Variants in PRKD1 observed in about 807,000 individuals in gnomAD.
PRKD1 encodes serine/threonine-protein kinase D1.
In PRKD1, 63 loss-of-function variants were observed where a neutral mutation model predicts 95.9. The observed-to-expected ratio is 0.66, with a 90% CI of 0.54 to 0.81. PRKD1 has a LOEUF of 0.81. Ranked by LOEUF, PRKD1 falls within the 30% of genes least tolerant of loss-of-function variation. The pLI is 0.00. For missense variants in PRKD1, 1,048 were observed against 1,165.3 expected (o/e 0.90, Z 1.47); for synonymous variants, 425 against 423.1 (o/e 1.00, Z -0.05).
At chr14:29,911,532 A>G (rs1894713562) in intron 1 of PRKD1, among the ~76,000 whole-genome samples, 2 of 152,338 alleles carry the variant, frequency 1.3e-5, no homozygotes, top group Middle Eastern at 3.4e-3. Context: ...TCAAATAAAA[A>G]GAGCAAATAA....
Position 29,901,931 on chromosome 14 carries a change from ACCT to A in PRKD1, c.264+25315_264+25317del, listed in dbSNP as rs1894333638. On this transcript the variant is annotated intron_variant, in intron 1 of 17. Transcript: ENST00000331968. The stretch of plus-strand genomic sequence containing the variant: ...GGATTCCAAAGCTCTTTGACTTTGT[ACCT>A]CCAAAGCTTAGAACAGAGTTTGACA... 3.3e-5 allele frequency among the ~76,000 whole-genome samples: 5 copies of A among 152,190 alleles called. No homozygotes were observed. In the South Asian group the frequency reaches 1.0e-3, roughly 32 times the overall value.
intron 1 of PRKD1, among the ~76,000 whole-genome samples, chr14:29,743,378 A>G (rs1887067515): frequency 1.3e-5 from 2 of 152,180 alleles, no homozygotes; most frequent in Non-Finnish European, 2.9e-5. Flanking sequence ...ATAAAAATTA[A>G]AACTGAAACA....
chr14:29,925,686 T>C (rs1190831909), intron 1 of PRKD1, among the ~76,000 whole-genome samples: 1 of 152,200 alleles, frequency 6.6e-6, no homozygotes, highest in Non-Finnish European at 1.5e-5. Context: ...CAAAACAAAG[T>C]CTATCAATAT....
At chr14:29,770,120 C>T (rs1342838788) in intron 1 of PRKD1, among the ~76,000 whole-genome samples, 2 of 152,204 alleles carry the variant, frequency 1.3e-5, no homozygotes, top group African/African-American at 2.4e-5. Flanking sequence ...TCACCACACA[C>T]TGAATCTGTC....
intron 14 of PRKD1, 70 bp from the exon 15 acceptor site, chr14:29,599,195 G>T: frequency 2.2e-6 from 3 of 1,358,194 alleles, no homozygotes; most frequent in Non-Finnish European, 2.1e-6. Context: ...CAGTTAAAAG[G>T]CCAAGAAAAA....
intron 2 of PRKD1, among the ~76,000 whole-genome samples, chr14:29,685,804 T>G (rs572854229): frequency 6.6e-6 from 1 of 152,202 alleles, no homozygotes; most frequent in South Asian, 2.1e-4. Context: ...TAACTCAAGT[T>G]CAGATGTTTA....
At position 29,809,862 on chromosome 14, in the gene PRKD1, T is replaced by C. The variant is rs186238882; in HGVS notation, c.265-84188A>G. Reference sequence around the variant, plus strand: ...TTTTCCTTGGCACTCACAATTTGGCTAAGTGTTTGGCACAAGAGGCCACAC... The same window carrying C: ...TTTTCCTTGGCACTCACAATTTGGCCAAGTGTTTGGCACAAGAGGCCACAC... On this transcript the variant is annotated intron_variant, in intron 1 of 17. Transcript: ENST00000331968. Among the ~76,000 whole-genome samples the C allele has an allele frequency of 6.7e-4, 102 of 152,356 alleles. 1 individual carries two copies. The highest frequency in any genetic ancestry group is 6.8e-3 in the Middle Eastern group (2 of 294).
At chr14:29,659,704 T>C (rs1377074380) in intron 4 of PRKD1, among the ~76,000 whole-genome samples, 1 of 152,210 alleles carries the variant, frequency 6.6e-6, no homozygotes, top group Non-Finnish European at 1.5e-5. Flanking sequence ...AACTTTACAG[T>C]CCTTGATAAC....
chr14:29,782,167 A>T (rs1319211911), intron 1 of PRKD1, among the ~76,000 whole-genome samples: 2 of 152,224 alleles, frequency 1.3e-5, no homozygotes, highest in Non-Finnish European at 2.9e-5. Flanking sequence ...AGGAAAAGAG[A>T]CATTATCAGT....
chr14:29,644,244 A>G (rs920941092), intron 4 of PRKD1, among the ~76,000 whole-genome samples: 2 of 152,230 alleles, frequency 1.3e-5, no homozygotes, highest in African/African-American at 4.8e-5. Context: ...CACCTGGTTA[A>G]GGAATATTTT....
At chr14:29,721,060 G>A (rs898039028) in intron 2 of PRKD1, among the ~76,000 whole-genome samples, 7 of 152,078 alleles carry the variant, frequency 4.6e-5, no homozygotes, top group Non-Finnish European at 7.4e-5. Flanking sequence ...ACATCAAAAT[G>A]GTTATTATGT....
intron 1 of PRKD1, among the ~76,000 whole-genome samples, chr14:29,729,393 G>T (rs1489241277): frequency 6.6e-6 from 1 of 151,918 alleles, no homozygotes. Context: ...AGTGACTTTT[G>T]GCAGTTTGTT....
In PRKD1 at chr14:29,885,784, T is replaced by G. The variant is rs1235537672; in HGVS notation, c.264+41465A>C. On this transcript the variant is annotated intron_variant, in intron 1 of 17. Transcript: ENST00000331968. ...GAGTTTGAGACTAGCCTGGCCAACA[T>G]GGTGAAACCCCATCTTTACTAAAAA... Among the ~76,000 whole-genome samples, 6 of 117,494 alleles carry G rather than the reference T, an allele frequency of 5.1e-5. No homozygotes were observed. In the Admixed American group the frequency reaches 5.4e-4, roughly 11 times the overall value. 77.1% of individuals were successfully genotyped at this position (117,494 alleles called of 152,430 possible).
At position 29,649,218 on chromosome 14, in the gene PRKD1, A is replaced by G. The variant is rs545237825; in HGVS notation, c.697-10314T>C. On this transcript the variant is annotated intron_variant, in intron 4 of 17. Coordinates refer to ENST00000331968, the MANE Select transcript of PRKD1 (RefSeq NM_002742.3). ...TTCTTGCAGTTTTGATTGTTTTTTC[A>G]CAGGTGATACTGGAGGCGTGTATTT... 1.3e-4 allele frequency among the ~76,000 whole-genome samples: 20 copies of G among 151,920 alleles called. No homozygotes were observed. In the South Asian group the frequency reaches 2.7e-3, roughly 20 times the overall value.
intron 2 of PRKD1, among the ~76,000 whole-genome samples, chr14:29,684,774 C>T (rs45497391): frequency 9.2e-4 from 140 of 152,280 alleles, no homozygotes; most frequent in Non-Finnish European, 1.2e-3. Flanking sequence ...CAGGCTGTTC[C>T]TCAGTAAAAG....
At chr14:29,866,692 T>A (rs749950379) in intron 1 of PRKD1, among the ~76,000 whole-genome samples, 2 of 152,014 alleles carry the variant, frequency 1.3e-5, no homozygotes, top group Admixed American at 6.6e-5. Flanking sequence ...GCTTACAGGA[T>A]GGATGGGATT....
chr14:29,804,906 G>T (rs941216155), intron 1 of PRKD1, among the ~76,000 whole-genome samples: 4 of 152,100 alleles, frequency 2.6e-5, no homozygotes, highest in Admixed American at 2.6e-4. Flanking sequence ...GCCAACATAG[G>T]TTTTCCAGGA....
intron 8 of PRKD1, among the ~76,000 whole-genome samples, chr14:29,633,621 T>C (rs1467525667): frequency 1.3e-5 from 2 of 152,166 alleles, no homozygotes; most frequent in Non-Finnish European, 2.9e-5. Flanking sequence ...TTTTATCTTA[T>C]AAAAGACCCC....
chr14:29,790,441 A>G (rs1889490816), intron 1 of PRKD1, among the ~76,000 whole-genome samples: 1 of 152,222 alleles, frequency 6.6e-6, no homozygotes, highest in African/African-American at 2.4e-5. Context: ...TTTTGAATAA[A>G]GAAAGAGTTG....
Sources: gnomAD v4.1 joint callset for allele counts (sites outside exome capture counted in the v4.1 genomes callset) on GRCh38, gnomAD v4.1.1 for gene constraint, MANE v1.5 for transcripts, NCBI Gene and HGNC (gene_info 2026-07-23, HGNC 2026-07-21) for gene names.